SETBP1: variants seen among roughly 807,000 people sequenced by gnomAD.
SETBP1 encodes the protein SET-binding protein.
In SETBP1, 9 loss-of-function variants were observed where a neutral mutation model predicts 101.0. That is an observed-to-expected ratio of 0.09 (90% CI 0.05 to 0.16). The LOEUF (loss-of-function observed/expected upper bound fraction) is 0.16. SETBP1 is among the 10% of genes least tolerant of loss of function. The pLI, the probability that SETBP1 is intolerant of heterozygous loss-of-function variation, is 1.00. For synonymous variants in SETBP1, 818 were observed against 788.5 expected, an observed-to-expected ratio of 1.04 and a Z score of -0.63; for missense variants, 1,858 against 2,033.8, an observed-to-expected ratio of 0.91 and a Z score of 1.66.
At chr18:44,747,964 A>G (rs879440231) in intron 2 of SETBP1, among the ~76,000 whole-genome samples, 8 of 152,186 alleles carry the variant, frequency 5.3e-5, no homozygotes, top group Admixed American at 5.2e-4. Flanking sequence ...AGCATAGGTC[A>G]GGTTGTATTT....
intron 2 of SETBP1, among the ~76,000 whole-genome samples, chr18:44,803,394 G>A (rs970368493): frequency 6.6e-6 from 1 of 152,020 alleles, no homozygotes; most frequent in East Asian, 1.9e-4. Flanking sequence ...GAGTTACATC[G>A]GAGCTAAATA....
At chr18:44,866,707 C>T (rs1300788088) in intron 2 of SETBP1, among the ~76,000 whole-genome samples, 1 of 152,222 alleles carries the variant, frequency 6.6e-6, no homozygotes, top group Non-Finnish European at 1.5e-5. Context: ...GCACAGGTCA[C>T]TCTCATGCCC....
intron 3 of SETBP1, among the ~76,000 whole-genome samples, chr18:44,924,493 ACC>A (rs1177502013): frequency 6.6e-6 from 1 of 152,132 alleles, no homozygotes; most frequent in Non-Finnish European, 1.5e-5. Context: ...AACTGTGTAT[ACC>A]CTTTATCATA....
chr18:45,063,119 C>A lies in SETBP1; in HGVS notation c.4212C>A (p.Ile1404=). Residue 1404 remains isoleucine (I), a synonymous_variant, in exon 6 of 6, where the codon ATC becomes ATA. Coordinates refer to ENST00000649279, the MANE Select transcript of SETBP1 (RefSeq NM_015559.3). Reference sequence around the variant, plus strand: ...AGAAGAGGTTCAAGCGGCGGGAGATCGAAGCCATCCAGTGCGAAGTGCGGA... The same window carrying A: ...AGAAGAGGTTCAAGCGGCGGGAGATAGAAGCCATCCAGTGCGAAGTGCGGA... The part of the protein sequence containing the change: ...SLKKRFKRRE[I]EAIQCEVRKM... The A allele has an allele frequency of 1.2e-6, 2 of 1,613,978 alleles. No homozygotes were observed. Among genetic ancestry groups the A allele is most frequent in the Non-Finnish European group, 1.7e-6 (2 of 1,179,984 alleles).
At chr18:44,982,461 C>T (rs899023170) in intron 4 of SETBP1, among the ~76,000 whole-genome samples, 1 of 152,200 alleles carries the variant, frequency 6.6e-6, no homozygotes, top group Non-Finnish European at 1.5e-5. Flanking sequence ...AAATTTATGG[C>T]TCTGGTTCGA....
At chr18:44,973,073 G>T (rs2071904800) in intron 4 of SETBP1, among the ~76,000 whole-genome samples, 1 of 152,192 alleles carries the variant, frequency 6.6e-6, no homozygotes. Context: ...TTTATTGAGA[G>T]TTTTTAGCAT....
chr18:44,771,067 T>C (rs760353691), intron 2 of SETBP1, among the ~76,000 whole-genome samples: 3 of 151,932 alleles, frequency 2.0e-5, no homozygotes, highest in Non-Finnish European at 4.4e-5. Flanking sequence ...ATAGCCTATG[T>C]CACTCATTTT....
At position 44,949,897 on chromosome 18, in the gene SETBP1, A is replaced by G. The variant is rs751069486; in HGVS notation, c.557A>G (p.Gln186Arg). Residue 186 changes from glutamine to arginine, a missense_variant, in exon 4 of 6, where the codon CAG becomes CGG. This residue lies in a region of SETBP1 where 581 missense variants were observed against 535.1 expected (regional missense o/e 1.09). Transcript: ENST00000649279. ...CACCCTTAGGCTTACGAGAGGCCCC[A>G]GAAACATTCAACTCTCCATTATGAC... The part of the protein sequence containing the change: ...GFQPQAYERP[Q>R]KHSTLHYDTG... 1.9e-6 allele frequency: 3 copies of G among 1,613,566 alleles called. No homozygotes were observed. The African/African-American group carries it at 4.0e-5, about 22-fold the overall frequency.
intron 2 of SETBP1, among the ~76,000 whole-genome samples, chr18:44,792,594 C>T (rs561819796): frequency 3.3e-5 from 5 of 152,308 alleles, no homozygotes; most frequent in Admixed American, 6.5e-5. Flanking sequence ...CGGATGCCCA[C>T]GTTCCTCCCC....
At chr18:44,820,507 G>A (rs1261161275) in intron 2 of SETBP1, among the ~76,000 whole-genome samples, 1 of 152,134 alleles carries the variant, frequency 6.6e-6, no homozygotes, top group Non-Finnish European at 1.5e-5. Flanking sequence ...GGTGGGTGGG[G>A]GATGGGGACC....
intron 2 of SETBP1, among the ~76,000 whole-genome samples, chr18:44,826,379 G>C (rs1367600574): frequency 2.0e-5 from 3 of 152,112 alleles, no homozygotes; most frequent in Non-Finnish European, 4.4e-5. Context: ...TACCTGTTGG[G>C]TCTGCCCCCA....
At chr18:44,975,240 C>T (rs753141205) in intron 4 of SETBP1, among the ~76,000 whole-genome samples, 3 of 152,188 alleles carry the variant, frequency 2.0e-5, no homozygotes, top group Non-Finnish European at 4.4e-5. Flanking sequence ...CTGTCTGCAT[C>T]TGCAGTTCTA....
intron 2 of SETBP1, among the ~76,000 whole-genome samples, chr18:44,736,449 A>AG (rs925203524): frequency 2.6e-5 from 4 of 152,212 alleles, no homozygotes; most frequent in African/African-American, 9.6e-5. Context: ...CTGTTATTGG[A>AG]GAGATCAGTT....
At chr18:44,749,557 G>A (rs2070336343) in intron 2 of SETBP1, among the ~76,000 whole-genome samples, 1 of 152,158 alleles carries the variant, frequency 6.6e-6, no homozygotes. Flanking sequence ...AAGTATGAAG[G>A]ACTGATACTG....
intron 4 of SETBP1, among the ~76,000 whole-genome samples, chr18:44,965,877 C>T (rs1374116223): frequency 6.6e-6 from 1 of 152,178 alleles, no homozygotes; most frequent in African/African-American, 2.4e-5. Context: ...ATGTCAGCTC[C>T]ACCTACAGTG....
chr18:44,965,284 A>AACAC (rs60728043), intron 4 of SETBP1, among the ~76,000 whole-genome samples: 97,881 of 146,966 alleles, frequency 0.67, 33,306 homozygotes, highest in Non-Finnish European at 0.76. Flanking sequence ...CATGCACACA[A>AACAC]ACACACACAC....
At chr18:44,834,257 C>T (rs1425515560) in intron 2 of SETBP1, among the ~76,000 whole-genome samples, 1 of 152,166 alleles carries the variant, frequency 6.6e-6, no homozygotes, top group Non-Finnish European at 1.5e-5. Flanking sequence ...CATTTACTGG[C>T]TTCATTCCTC....
rs556840749 is a variant in SETBP1 at position 44,750,763 on chromosome 18, C to T, written c.486+48931C>T. 4.7e-4 allele frequency among the ~76,000 whole-genome samples: 72 copies of T among 152,252 alleles called. 1 individual carries two copies. Among genetic ancestry groups the T allele is most frequent in the Middle Eastern group, 3.4e-3 (1 of 294 alleles). ...ATATAAGGGAAGGGAAGACATGACC[C>T]CTGCTCTCAATAGGCTTAGCTAGGT... On this transcript the variant is annotated intron_variant, in intron 2 of 5. Coordinates refer to ENST00000649279, the MANE Select transcript of SETBP1 (RefSeq NM_015559.3).
intron 2 of SETBP1, among the ~76,000 whole-genome samples, chr18:44,858,732 C>A (rs1416157162): frequency 1.3e-5 from 2 of 152,156 alleles, no homozygotes; most frequent in African/African-American, 2.4e-5. Flanking sequence ...TTCTTGCCAC[C>A]TGTGCTCTTT....
Sources: allele counts gnomAD v4.1 joint callset (sites outside exome capture counted in the v4.1 genomes callset), GRCh38; gene constraint gnomAD v4.1.1; regional missense constraint gnomAD v4.1.1; transcripts MANE v1.5; gene names NCBI Gene and HGNC (gene_info 2026-07-23, HGNC 2026-07-21).